CISTR: variants seen among roughly 807,000 people sequenced by gnomAD.
CISTR encodes the protein chondrogenic regulator lncRNA.
intron 2 of CISTR, among the ~76,000 whole-genome samples, chr12:53,749,212 T>A (rs1286106947): frequency 6.6e-6 from 1 of 150,676 alleles, no homozygotes; most frequent in Admixed American, 6.6e-5. Flanking sequence ...AAAATGATAT[T>A]GAAAAAGGGA....
chr12:53,752,090 C>G (rs1219923180), intron 1 of CISTR, among the ~76,000 whole-genome samples: 2 of 152,114 alleles, frequency 1.3e-5, no homozygotes, highest in Non-Finnish European at 2.9e-5. Flanking sequence ...TCCTCGCTGC[C>G]CGCTGGCGCT....
At chr12:53,750,249 GA>G (rs2120733604) in intron 2 of CISTR, among the ~76,000 whole-genome samples, 1 of 152,306 alleles carries the variant, frequency 6.6e-6, no homozygotes, top group East Asian at 1.9e-4. Flanking sequence ...AGGAGTGGGG[GA>G]GTTAGAGAGG....
At chr12:53,749,963 C>T (rs1937828000) in intron 2 of CISTR, among the ~76,000 whole-genome samples, 4 of 152,074 alleles carry the variant, frequency 2.6e-5, no homozygotes, top group Admixed American at 1.3e-4. Flanking sequence ...CCAGTGGCTG[C>T]TTGAGGGCCA....
intron 2 of CISTR, among the ~76,000 whole-genome samples, chr12:53,747,688 G>A (rs898230647): frequency 9.2e-5 from 14 of 152,098 alleles, no homozygotes; most frequent in African/African-American, 2.2e-4. Flanking sequence ...CTGATTTGGG[G>A]AGAACTGATA....
Position 53,748,027 on chromosome 12 carries a change from GC to G in CISTR, n.1064-1180del, listed in dbSNP as rs369333598. ...TGTAGATATCTGGGTGGGAGAGGGGGCCCTTGGGTGCCCTCCCAGAATTTCC... is the reference window on the plus strand; with the variant it reads ...TGTAGATATCTGGGTGGGAGAGGGGGCCTTGGGTGCCCTCCCAGAATTTCC... On this transcript the variant is annotated intron_variant and non_coding_transcript_variant, in intron 2 of 2. Coordinates refer to ENST00000669269, the Ensembl canonical transcript of CISTR. Among the ~76,000 whole-genome samples the G allele has an allele frequency of 3.9e-4, 59 of 152,288 alleles. No homozygotes were observed. The South Asian group carries it at 7.9e-3, about 20-fold the overall frequency.
chr12:53,748,333 G>A (rs1318231991), intron 2 of CISTR, among the ~76,000 whole-genome samples: 1 of 152,218 alleles, frequency 6.6e-6, no homozygotes, highest in Non-Finnish European at 1.5e-5. Flanking sequence ...CTGCGGGGCA[G>A]GAAAAGAGGC....
chr12:53,751,084 T>G lies in CISTR; in HGVS notation n.415-119A>C, dbSNP rs1368786268. ...CACACACACACACGCACACACTCAC[T>G]CCTGCGCACACAGGCTGCTCCGCGG... On this transcript the variant is annotated intron_variant and non_coding_transcript_variant, in intron 1 of 2. Coordinates refer to ENST00000669269, the Ensembl canonical transcript of CISTR. The surrounding 1 kb of genome is among the most constrained non-coding windows in gnomAD (Gnocchi z 4.6). The G allele has an allele frequency of 1.3e-5, 2 of 152,522 alleles. No individual in the cohort carries two copies. Among genetic ancestry groups the G allele is most frequent in the South Asian group, 2.1e-4 (1 of 4,838 alleles). 9.4% of individuals were successfully genotyped at this position (152,522 alleles called of 1,614,324 possible). A position where few individuals can be genotyped will look rare whatever the true frequency, so the allele number is the denominator to read the frequency against.
intron 2 of CISTR, among the ~76,000 whole-genome samples, chr12:53,747,641 G>A (rs1438490680): frequency 6.6e-6 from 1 of 152,128 alleles, no homozygotes; most frequent in African/African-American, 2.4e-5. Context: ...GGGTCGGGAG[G>A]CATATTAAAA....
chr12:53,752,861 A>T (rs1037666176), intron 1 of CISTR, among the ~76,000 whole-genome samples: 4 of 152,176 alleles, frequency 2.6e-5, no homozygotes, highest in Admixed American at 1.3e-4. Context: ...TTAAAACCTA[A>T]GGGACACGTC....
Position 53,751,347 on chromosome 12 carries a change from G to C in CISTR, n.415-382C>G, listed in dbSNP as rs1474199293. On this transcript the variant is annotated intron_variant and non_coding_transcript_variant, in intron 1 of 2. Transcript: ENST00000669269. The surrounding 1 kb of genome is among the most constrained non-coding windows in gnomAD (Gnocchi z 4.6). ...CAGAGATCTAATGGCTCCTTTGGCA[G>C]TGGGAAGGGGTGTGCGTGGGTGTCC... is the stretch of plus-strand genomic sequence containing the variant. Among the ~76,000 whole-genome samples, 1 of 152,140 alleles carries C rather than the reference G, an allele frequency of 6.6e-6. No individual in the cohort carries two copies. The highest frequency in any genetic ancestry group is 1.5e-5 in the Non-Finnish European group (1 of 68,014).
At chr12:53,755,816 C>A (rs1344489160) in intron 1 of CISTR, 4 of 152,444 alleles carry the variant, frequency 2.6e-5, no homozygotes, top group Non-Finnish European at 5.9e-5. Context: ...AGGCTACCAC[C>A]TACCTATCCA....
chr12:53,753,424 T>C (rs1430860222), intron 1 of CISTR, among the ~76,000 whole-genome samples: 6 of 152,066 alleles, frequency 3.9e-5, no homozygotes, highest in African/African-American at 1.4e-4. Flanking sequence ...CTGGAACAAG[T>C]CCTGTGACTC....
At chr12:53,752,169 G>T (rs892531725) in intron 1 of CISTR, among the ~76,000 whole-genome samples, 1 of 152,078 alleles carries the variant, frequency 6.6e-6, no homozygotes, top group East Asian at 1.9e-4. Flanking sequence ...TGCCGCCGCC[G>T]CCGCCGCCTT....
In CISTR at chr12:53,751,312, A is replaced by G. The variant is rs1347011734; in HGVS notation, n.415-347T>C. Among the ~76,000 whole-genome samples, 1 of 151,924 alleles carries G rather than the reference A, an allele frequency of 6.6e-6. No individual in the cohort carries two copies. The highest frequency in any genetic ancestry group is 1.5e-5 in the Non-Finnish European group (1 of 67,982). On this transcript the variant is annotated intron_variant and non_coding_transcript_variant, in intron 1 of 2. Coordinates refer to ENST00000669269, the Ensembl canonical transcript of CISTR. The surrounding 1 kb of genome is among the most constrained non-coding windows in gnomAD (Gnocchi z 4.6). ...CTCGGGGCGCTCACTCGGACCTCGGAGCCAATCGCCAGAGATCTAATGGCT... is the reference window on the plus strand; with the variant it reads ...CTCGGGGCGCTCACTCGGACCTCGGGGCCAATCGCCAGAGATCTAATGGCT...
chr12:53,747,938 G>C (rs1466896642), intron 2 of CISTR, among the ~76,000 whole-genome samples: 1 of 152,124 alleles, frequency 6.6e-6, no homozygotes, highest in South Asian at 2.1e-4. Context: ...CCCCCTTCCA[G>C]TAAAGCTCCT....
At chr12:53,749,291 AGTGT>A (rs3058906) in intron 2 of CISTR, among the ~76,000 whole-genome samples, 3 of 149,102 alleles carry the variant, frequency 2.0e-5, no homozygotes, top group East Asian at 2.0e-4. Flanking sequence ...GGAGGCAAGA[AGTGT>A]GTGTGTGTGT....
chr12:53,753,762 G>A (rs1277069006), intron 1 of CISTR, among the ~76,000 whole-genome samples: 1 of 104,558 alleles, frequency 9.6e-6, no homozygotes, highest in Non-Finnish European at 2.1e-5. Flanking sequence ...CAGGGAGGAT[G>A]CAGGGCTTGG....
At chr12:53,748,468 C>A (rs571348636) in intron 2 of CISTR, among the ~76,000 whole-genome samples, 21 of 152,122 alleles carry the variant, frequency 1.4e-4, no homozygotes, top group Non-Finnish European at 1.5e-5. Context: ...TGAAGAGAGA[C>A]GGACAGAGGG....
chr12:53,754,354 A>C (rs1299093114), intron 1 of CISTR: 1 of 152,192 alleles, frequency 6.6e-6, no homozygotes, highest in Non-Finnish European at 1.5e-5. Context: ...GGCATGAGGA[A>C]GAAGGTCTTT....
Sources: gnomAD v4.1 joint callset for allele counts (sites outside exome capture counted in the v4.1 genomes callset) on GRCh38, gnomAD v4.1.1 for gene constraint, Gnocchi (gnomAD v3.1) non-coding constraint, MANE v1.5 for transcripts, NCBI Gene and HGNC (gene_info 2026-07-23, HGNC 2026-07-21) for gene names.